The following MYCN variants were observed in gnomAD, a reference collection of about 807,000 sequenced individuals.
MYCN encodes the protein MYCN proto-oncogene, bHLH transcription factor, also known as N-myc proto-oncogene protein.
Under a neutral mutation model 28.1 loss-of-function variants are expected in MYCN, and 3 were observed. The observed-to-expected ratio is 0.11, with a 90% CI of 0.05 to 0.28. MYCN has a LOEUF of 0.28. MYCN is among the 10% of genes least tolerant of loss of function. The pLI, the probability that MYCN is intolerant of heterozygous loss-of-function variation, is 1.00. For synonymous variants in MYCN, 326 were observed against 288.3 expected, an observed-to-expected ratio of 1.13 and a Z score of -1.32; for missense variants, 572 against 651.4, an observed-to-expected ratio of 0.88 and a Z score of 1.33.
chr2:15,942,587 C>G lies in MYCN; in HGVS notation c.523C>G (p.Leu175Val). 9.3e-7 allele frequency: 1 copy of G among 1,069,720 alleles called. No homozygotes were observed. Among genetic ancestry groups the G allele is most frequent in the Non-Finnish European group, 1.1e-6 (1 of 886,754 alleles). The allele number at this position is 1,069,720 out of a possible 1,614,324, so 66.3% of individuals were successfully genotyped here. A position where few individuals can be genotyped will look rare whatever the true frequency, so the allele number is the denominator to read the frequency against. The change falls in exon 2 of 3, where the codon CTG (leucine) becomes GTG (valine). Residue 175 changes from leucine (L) to valine (V), a missense_variant. By Grantham distance (32) the Leu-to-Val change is conservative. Around this residue, in one of 3 missense-constraint regions of MYCN, gnomAD observed 499 missense variants for 524.3 expected, o/e 0.95. Transcript: ENST00000281043. The surrounding 1 kb of genome is among the most constrained non-coding windows in gnomAD (Gnocchi z 7.0). Reference protein sequence around the residue: ...AAGAGRAGAALPAELAHPAAE... With the variant: ...AAGAGRAGAAVPAELAHPAAE... ...GGGAGCCGGCCGCGCCGGGGCCGCC[C>G]TGCCCGCCGAGCTCGCCCACCCGGC...
In MYCN at chr2:15,941,883, C is replaced by G; in HGVS notation, c.-117-65C>G. 1 of 673,170 alleles carries G rather than the reference C, an allele frequency of 1.5e-6. No homozygotes were observed. The highest frequency in any genetic ancestry group is 2.5e-6 in the Non-Finnish European group (1 of 392,948). 41.7% of individuals were successfully genotyped at this position (673,170 alleles called of 1,614,324 possible). On this transcript the variant is annotated intron_variant, in intron 1 of 2. Transcript: ENST00000281043. The surrounding 1 kb of genome is among the most constrained non-coding windows in gnomAD (Gnocchi z 4.8). ...TTGGGGAACCTGGTTAGAGGGGGCG[C>G]CCATTGCCTATCCCCTCGGTCTGCC...
At chr2:15,943,130 C>T (rs1349301569) in intron 2 of MYCN, among the ~76,000 whole-genome samples, 1 of 152,212 alleles carries the variant, frequency 6.6e-6, no homozygotes, top group Non-Finnish European at 1.5e-5. Flanking sequence ...GGCCCTCACC[C>T]GGTCCCCCAC....
At position 15,941,273 on chromosome 2, in the gene MYCN, T is replaced by C. The variant is rs1662654769; in HGVS notation, c.-118+530T>C. 1 of 152,390 alleles carries C rather than the reference T, an allele frequency of 6.6e-6. No homozygotes were observed. The highest frequency in any genetic ancestry group is 2.4e-5 in the African/African-American group (1 of 41,470). 9.4% of individuals were successfully genotyped at this position (152,390 alleles called of 1,614,324 possible). ...TCTCCCTCCCTGGAAGAGGACGTTG[T>C]CGTGGGTTTGGAAGAGCAGGGGTGG... On this transcript the variant is annotated intron_variant, in intron 1 of 2. Coordinates refer to ENST00000281043, the MANE Select transcript of MYCN (RefSeq NM_005378.6). This position sits in a 1 kb window ranked among gnomAD's most constrained non-coding sequence, Gnocchi z 4.8.
Position 15,946,861 on chromosome 2 carries a change from A to G in MYCN, c.*764A>G, listed in dbSNP as rs546658641. The G allele has an allele frequency of 9.1e-6, 2 of 219,880 alleles. No individual in the cohort carries two copies. Among genetic ancestry groups the G allele is most frequent in the African/African-American group, 2.2e-5 (1 of 44,652 alleles). The allele number at this position is 219,880 out of a possible 1,614,324, so 13.6% of individuals were successfully genotyped here. ...TTTCCTAGCCTGTTTCTTCCTGTTA[A>G]TGTATTTGTTCATGTTTGGTGCATA... On this transcript the variant is annotated 3_prime_UTR_variant, in exon 3 of 3. Coordinates refer to ENST00000281043, the MANE Select transcript of MYCN (RefSeq NM_005378.6).
intron 2 of MYCN, among the ~76,000 whole-genome samples, chr2:15,943,504 C>A (rs914057418): frequency 5.4e-5 from 8 of 148,862 alleles, no homozygotes; most frequent in Admixed American, 2.0e-4. Flanking sequence ...CGGCGATATG[C>A]GAGGCCAGCA....
intron 2 of MYCN, among the ~76,000 whole-genome samples, chr2:15,944,735 A>G (rs1485282261): frequency 6.6e-6 from 1 of 152,174 alleles, no homozygotes; most frequent in Non-Finnish European, 1.5e-5. Flanking sequence ...TGCTAAGTCT[A>G]CATGTTATCT....
In MYCN at chr2:15,942,877, G is replaced by A. The variant is rs2103326449; in HGVS notation, c.790+23G>A. On this transcript the variant is annotated intron_variant, in intron 2 of 2. Transcript: ENST00000281043. The surrounding 1 kb of genome is among the most constrained non-coding windows in gnomAD (Gnocchi z 7.0). Reference sequence around the variant, plus strand: ...CAGGTAAAGACCGAACTCGGGTCCGGCTGCCTCCCTGGGGCACTGGACCCC... The same window carrying A: ...CAGGTAAAGACCGAACTCGGGTCCGACTGCCTCCCTGGGGCACTGGACCCC... 2 of 1,569,758 alleles carry A rather than the reference G, an allele frequency of 1.3e-6. No individual in the cohort carries two copies. The highest frequency in any genetic ancestry group is 1.7e-6 in the Non-Finnish European group (2 of 1,163,618).
Position 15,941,820 on chromosome 2 carries a change from CG to C in MYCN, c.-117-125del. The C allele has an allele frequency of 1.7e-6, 1 of 594,924 alleles. No homozygotes were observed. Among genetic ancestry groups the C allele is most frequent in the South Asian group, 2.0e-5 (1 of 50,284 alleles). 36.9% of individuals were successfully genotyped at this position (594,924 alleles called of 1,614,324 possible). A position where few individuals can be genotyped will look rare whatever the true frequency, so the allele number is the denominator to read the frequency against. On this transcript the variant is annotated intron_variant, in intron 1 of 2. Coordinates refer to ENST00000281043, the MANE Select transcript of MYCN (RefSeq NM_005378.6). This position sits in a 1 kb window ranked among gnomAD's most constrained non-coding sequence, Gnocchi z 4.8. ...CGAGAGGCACAACTTCCTCCACCTT[CG>C]GGAGCAGTGGGCAGAGTGGGGGGCT...
rs866782081 is a variant in MYCN at position 15,942,680 on chromosome 2, C to A, written c.616C>A (p.Pro206Thr). Residue 206 changes from proline (P) to threonine (T), a missense_variant, in exon 2 of 3, where the codon CCC (proline) becomes ACC (threonine). By Grantham distance (38) the Pro-to-Thr change is conservative. Around this residue, in one of 3 missense-constraint regions of MYCN, gnomAD observed 499 missense variants for 524.3 expected, o/e 0.95. Transcript: ENST00000281043. The surrounding 1 kb of genome is among the most constrained non-coding windows in gnomAD (Gnocchi z 7.0). ...GAACAAGCGCGAGCCAGCGCCCGTG[C>A]CCGCAGCCCCGGCCAGTGCCCCGGC... Reference protein sequence around the residue: ...PVNKREPAPVPAAPASAPAAG... With the variant: ...PVNKREPAPVTAAPASAPAAG... 8.5e-7 allele frequency: 1 copy of A among 1,177,560 alleles called. No individual in the cohort carries two copies. The allele number at this position is 1,177,560 out of a possible 1,614,324, so 72.9% of individuals were successfully genotyped here. A position where few individuals can be genotyped will look rare whatever the true frequency, so the allele number is the denominator to read the frequency against.
At position 15,945,674 on chromosome 2, in the gene MYCN, T is replaced by C; in HGVS notation, c.972T>C (p.Leu324=). Residue 324 remains leucine (L), a synonymous_variant, in exon 3 of 3, where the codon CTT becomes CTC. Transcript: ENST00000281043. This position sits in a 1 kb window ranked among gnomAD's most constrained non-coding sequence, Gnocchi z 4.8. ...GCGAGCTGATCCTCAAACGATGCCT[T>C]CCCATCCACCAGCAGCACAACTATG... ...QSSELILKRC[L]PIHQQHNYAA... is the part of the protein sequence containing the mutation. The C allele has an allele frequency of 6.2e-7, 1 of 1,614,092 alleles. No homozygotes were observed. The highest frequency in any genetic ancestry group is 8.5e-7 in the Non-Finnish European group (1 of 1,180,018).
Position 15,946,451 on chromosome 2 carries a change from A to G in MYCN, c.*354A>G, listed in dbSNP as rs79703814. On this transcript the variant is annotated 3_prime_UTR_variant, in exon 3 of 3. Transcript: ENST00000281043. ...TAAAATGGTGCTTAAGTTCCAGCAG[A>G]TGCCACATAAGGGGTTTGCCATTTG... The G allele has an allele frequency of 3.5e-4, 148 of 426,490 alleles. 1 individual carries two copies. In the East Asian group the frequency reaches 3.9e-3, roughly 11 times the overall value. 26.4% of individuals were successfully genotyped at this position (426,490 alleles called of 1,614,324 possible).
chr2:15,944,452 C>T (rs1472382943), intron 2 of MYCN, among the ~76,000 whole-genome samples: 9 of 152,126 alleles, frequency 5.9e-5, no homozygotes, highest in African/African-American at 1.9e-4. Context: ...AAGATTTGAT[C>T]TTTGTTAAAT....
Position 15,941,902 on chromosome 2 carries a change from G to A in MYCN, c.-117-46G>A, listed in dbSNP as rs1662687936. 1.2e-6 allele frequency: 1 copy of A among 818,258 alleles called. No individual in the cohort carries two copies. Among genetic ancestry groups the A allele is most frequent in the Non-Finnish European group, 2.0e-6 (1 of 512,442 alleles). 50.7% of individuals were successfully genotyped at this position (818,258 alleles called of 1,614,324 possible). ...GGGGCGCCCATTGCCTATCCCCTCG[G>A]TCTGCCCCGTTTGCCCACCCTCTCC... On this transcript the variant is annotated intron_variant, in intron 1 of 2. Coordinates refer to ENST00000281043, the MANE Select transcript of MYCN (RefSeq NM_005378.6). This position sits in a 1 kb window ranked among gnomAD's most constrained non-coding sequence, Gnocchi z 4.8.
rs1337733039 is a variant in MYCN at position 15,945,997 on chromosome 2, C to G, written c.1295C>G (p.Ser432Cys). Residue 432 changes from serine to cysteine, a missense_variant, in exon 3 of 3, where the codon TCC becomes TGC. Ser to Cys is a moderately radical substitution (Grantham distance 112). Coordinates refer to ENST00000281043, the MANE Select transcript of MYCN (RefSeq NM_005378.6). This position sits in a 1 kb window ranked among gnomAD's most constrained non-coding sequence, Gnocchi z 4.8. ...AAAAAGGCCACTGAGTATGTCCACT[C>G]CCTCCAGGCCGAGGAGCACCAGCTT... is the stretch of plus-strand genomic sequence containing the variant. Reference protein sequence around the residue: ...ILKKATEYVHSLQAEEHQLLL... With the variant: ...ILKKATEYVHCLQAEEHQLLL... 2.5e-6 allele frequency: 4 copies of G among 1,614,202 alleles called. No individual in the cohort carries two copies. In the Admixed American group the frequency reaches 5.0e-5, roughly 20 times the overall value.
In MYCN at chr2:15,945,830, C is replaced by G. The variant is rs1391381257; in HGVS notation, c.1128C>G (p.Asp376Glu). Residue 376 changes from aspartate (D) to glutamate (E), a missense_variant, in exon 3 of 3, where the codon GAC (aspartate) becomes GAG (glutamate). Physicochemically the swap from Asp to Glu is conservative, Grantham distance 45 (BLOSUM62 2). This residue lies in a region of MYCN where 12 missense variants were observed against 45.5 expected (regional missense o/e 0.26). Coordinates refer to ENST00000281043, the MANE Select transcript of MYCN (RefSeq NM_005378.6). The surrounding 1 kb of genome is among the most constrained non-coding windows in gnomAD (Gnocchi z 4.8). ...KAKSLSPRNSDSEDSERRRNH... is the reference protein window; with the variant it reads ...KAKSLSPRNSESEDSERRRNH... The stretch of plus-strand genomic sequence containing the variant: ...AGAGCTTGAGCCCCCGAAACTCTGA[C>G]TCGGAGGACAGTGAGCGTCGCAGAA... 1 of 1,614,078 alleles carries G rather than the reference C, an allele frequency of 6.2e-7. No homozygotes were observed. Among genetic ancestry groups the G allele is most frequent in the East Asian group, 2.2e-5 (1 of 44,878 alleles).
chr2:15,941,190 T>C lies in MYCN; in HGVS notation c.-118+447T>C, dbSNP rs1662649655. On this transcript the variant is annotated intron_variant, in intron 1 of 2. Coordinates refer to ENST00000281043, the MANE Select transcript of MYCN (RefSeq NM_005378.6). The surrounding 1 kb of genome is among the most constrained non-coding windows in gnomAD (Gnocchi z 4.8). ...CTCCAGCTTGGAGGAGAGGCGGCTC[T>C]CCCGGCGACCCTCCTCGCGCGGGCG... The C allele has an allele frequency of 6.5e-6, 1 of 153,956 alleles. No homozygotes were observed. The highest frequency in any genetic ancestry group is 2.1e-4 in the South Asian group (1 of 4,842). The allele number at this position is 153,956 out of a possible 1,614,324, so 9.5% of individuals were successfully genotyped here.
rs528719242 is a variant in MYCN at position 15,941,897 on chromosome 2, C to T, written c.-117-51C>T. 2.2e-5 allele frequency: 17 copies of T among 771,302 alleles called. No individual in the cohort carries two copies. In the East Asian group the frequency reaches 4.0e-4, roughly 18 times the overall value. 47.8% of individuals were successfully genotyped at this position (771,302 alleles called of 1,614,324 possible). ...TAGAGGGGGCGCCCATTGCCTATCC[C>T]CTCGGTCTGCCCCGTTTGCCCACCC... is the stretch of plus-strand genomic sequence containing the variant. On this transcript the variant is annotated intron_variant, in intron 1 of 2. Transcript: ENST00000281043. This position sits in a 1 kb window ranked among gnomAD's most constrained non-coding sequence, Gnocchi z 4.8.
intron 2 of MYCN, among the ~76,000 whole-genome samples, chr2:15,943,763 G>A (rs1236017268): frequency 6.6e-6 from 1 of 152,170 alleles, no homozygotes; most frequent in Non-Finnish European, 1.5e-5. Flanking sequence ...CTCCAGGAAG[G>A]CTCACATCCT....
chr2:15,944,179 C>G (rs940957515), intron 2 of MYCN, among the ~76,000 whole-genome samples: 1 of 152,152 alleles, frequency 6.6e-6, no homozygotes, highest in African/African-American at 2.4e-5. Flanking sequence ...ACTGGAACAG[C>G]CTCACATTTC....
Sources: gnomAD v4.1 joint callset for allele counts (sites outside exome capture counted in the v4.1 genomes callset) on GRCh38, gnomAD v4.1.1 for gene constraint, gnomAD v4.1.1 regional missense constraint, Gnocchi (gnomAD v3.1) non-coding constraint, MANE v1.5 for transcripts, NCBI Gene and HGNC (gene_info 2026-07-23, HGNC 2026-07-21) for gene names.